Variants in PPME1 observed in about 807,000 individuals in gnomAD.
PPME1 encodes the protein protein phosphatase methylesterase 1, also known as testicular secretory protein Li 39.
A neutral mutation model predicts 56.9 loss-of-function variants in PPME1; 17 were observed. The ratio of observed to expected loss-of-function variants is 0.30; its 90% CI spans 0.20 to 0.45. PPME1 has a LOEUF of 0.45. PPME1 is among the 20% of genes least tolerant of loss of function. PPME1 has a pLI of 1.00. For missense variants in PPME1, 357 were observed against 483.2 expected, an observed-to-expected ratio of 0.74 and a Z score of 2.45; for synonymous variants, 122 against 156.2, an observed-to-expected ratio of 0.78 and a Z score of 1.63.
intron 1 of PPME1, among the ~76,000 whole-genome samples, chr11:74,200,553 T>A (rs1858134739): frequency 6.6e-6 from 1 of 152,118 alleles, no homozygotes; most frequent in South Asian, 2.1e-4. Context: ...TGGCTAATTT[T>A]TGTATTTTTA....
intron 3 of PPME1, 77 bp downstream of exon 3, chr11:74,204,522 T>C: frequency 8.0e-7 from 1 of 1,251,286 alleles, no homozygotes; most frequent in Non-Finnish European, 1.1e-6. Flanking sequence ...ATCTTGGAAG[T>C]TAACACATTC....
chr11:74,191,867 C>T (rs1257017300), intron 1 of PPME1, among the ~76,000 whole-genome samples: 1 of 152,238 alleles, frequency 6.6e-6, no homozygotes, highest in Non-Finnish European at 1.5e-5. Context: ...AGGTAGAAGC[C>T]TGCTGCAAGG....
chr11:74,235,134 A>G (rs1205286459), intron 7 of PPME1, among the ~76,000 whole-genome samples: 1 of 152,216 alleles, frequency 6.6e-6, no homozygotes, highest in Non-Finnish European at 1.5e-5. Context: ...GATTTTTTAA[A>G]CTAAGAAATG....
intron 1 of PPME1, among the ~76,000 whole-genome samples, chr11:74,180,194 T>A (rs149363435): frequency 1.3e-5 from 2 of 152,348 alleles, no homozygotes; most frequent in East Asian, 3.9e-4. Context: ...TTTGTTGGTT[T>A]TGGTCATTAT....
intron 3 of PPME1, 140 bp from the exon 4 acceptor site, chr11:74,222,172 T>C: frequency 1.5e-6 from 1 of 655,392 alleles, no homozygotes; most frequent in Non-Finnish European, 2.6e-6. Flanking sequence ...TTCTTTCATT[T>C]TGCTTAAAAC....
At chr11:74,237,081 C>T (rs1859209685) in intron 8 of PPME1, among the ~76,000 whole-genome samples, 1 of 150,142 alleles carries the variant, frequency 6.7e-6, no homozygotes, top group Admixed American at 6.6e-5. Flanking sequence ...ACCTTGTTTG[C>T]CCCATAGAAT....
chr11:74,224,812 T>G (rs978599535), intron 4 of PPME1, among the ~76,000 whole-genome samples: 7 of 150,382 alleles, frequency 4.7e-5, no homozygotes, highest in Non-Finnish European at 1.5e-5. Context: ...GAGACTTTGC[T>G]GAAGTTGCTT....
intron 1 of PPME1, chr11:74,198,842 T>TA (rs1858065184): frequency 6.6e-6 from 1 of 152,348 alleles, no homozygotes; most frequent in African/African-American, 2.4e-5. Context: ...TTCAGGGTGT[T>TA]ACGGCCATAG....
chr11:74,227,609 G>A (rs1475052823), intron 5 of PPME1, among the ~76,000 whole-genome samples: 1 of 152,076 alleles, frequency 6.6e-6, no homozygotes, highest in African/African-American at 2.4e-5. Context: ...ACACAGTAAT[G>A]CTTCTCAGAA....
chr11:74,223,807 A>C (rs1267094427), intron 4 of PPME1, among the ~76,000 whole-genome samples: 210 of 122,106 alleles, frequency 1.7e-3, no homozygotes, highest in African/African-American at 2.4e-3. Context: ...TTTTTCTTGT[A>C]AATTTGTTTG....
At position 74,253,703 on chromosome 11, in the gene PPME1, C is replaced by G; in HGVS notation, c.*193C>G. The G allele has an allele frequency of 1.5e-6, 1 of 650,842 alleles. No homozygotes were observed. The highest frequency in any genetic ancestry group is 2.7e-6 in the Non-Finnish European group (1 of 369,180). The allele number at this position is 650,842 out of a possible 1,614,324, so 40.3% of individuals were successfully genotyped here. A position where few individuals can be genotyped will look rare whatever the true frequency, so the allele number is the denominator to read the frequency against. On this transcript the variant is annotated 3_prime_UTR_variant, in exon 14 of 14. Coordinates refer to ENST00000328257, the MANE Select transcript of PPME1 (RefSeq NM_016147.3). ...AGCATTGTTTTCCAGGGCCCTTGAC[C>G]AACATCGGCTTCCCCAGTCCAGGGC...
At chr11:74,189,290 C>G (rs962254676) in intron 1 of PPME1, among the ~76,000 whole-genome samples, 2 of 151,902 alleles carry the variant, frequency 1.3e-5, no homozygotes, top group Non-Finnish European at 2.9e-5. Flanking sequence ...TATTGCTTTA[C>G]TTATTTATTT....
At chr11:74,241,916 T>C (rs1859370672) in intron 9 of PPME1, among the ~76,000 whole-genome samples, 1 of 152,244 alleles carries the variant, frequency 6.6e-6, no homozygotes, top group Non-Finnish European at 1.5e-5. Context: ...CTTTCTCCCA[T>C]TCCATGGGTT....
intron 3 of PPME1, among the ~76,000 whole-genome samples, chr11:74,215,882 A>C (rs1462592011): frequency 6.6e-6 from 1 of 152,228 alleles, no homozygotes. Context: ...ATAGATTTCA[A>C]GACAAAAACT....
At position 74,230,491 on chromosome 11, in the gene PPME1, C is replaced by A; in HGVS notation, c.553+92C>A. 2 of 1,409,804 alleles carry A rather than the reference C, an allele frequency of 1.4e-6. No individual in the cohort carries two copies. Among genetic ancestry groups the A allele is most frequent in the South Asian group, 2.5e-5 (2 of 81,104 alleles). 87.3% of individuals were successfully genotyped at this position (1,409,804 alleles called of 1,614,324 possible). ...CCTTGTCTTAGTTTATTGTTGATTT[C>A]ATTCATCTTGAAATATGTCCCTCTG... On this transcript the variant is annotated intron_variant, in intron 6 of 13. Coordinates refer to ENST00000328257, the MANE Select transcript of PPME1 (RefSeq NM_016147.3). The surrounding 1 kb of genome is among the most constrained non-coding windows in gnomAD (Gnocchi z 4.9).
chr11:74,225,329 C>T, intron 5 of PPME1, 73 bp downstream of exon 5: 1 of 1,107,978 alleles, frequency 9.0e-7, no homozygotes, highest in Non-Finnish European at 1.3e-6. Flanking sequence ...AACTTTATCA[C>T]TTTCCTGATG....
chr11:74,194,325 A>G (rs1442208287), intron 1 of PPME1, among the ~76,000 whole-genome samples: 7 of 152,084 alleles, frequency 4.6e-5, no homozygotes, highest in Non-Finnish European at 8.8e-5. Flanking sequence ...TGGGCTCCGC[A>G]GCAAGACTTC....
At chr11:74,177,174 G>A (rs1377677636) in intron 1 of PPME1, among the ~76,000 whole-genome samples, 1 of 152,000 alleles carries the variant, frequency 6.6e-6, no homozygotes, top group Non-Finnish European at 1.5e-5. Context: ...TAAAGAAATA[G>A]TCCTGGCCAG....
intron 7 of PPME1, among the ~76,000 whole-genome samples, chr11:74,234,582 A>C (rs375016442): frequency 5.9e-5 from 9 of 152,238 alleles, no homozygotes; most frequent in African/African-American, 2.2e-4. Context: ...AAGTAAGATG[A>C]GGACCAAGAA....
Sources: gnomAD v4.1 joint callset for allele counts (sites outside exome capture counted in the v4.1 genomes callset) on GRCh38, gnomAD v4.1.1 for gene constraint, Gnocchi (gnomAD v3.1) non-coding constraint, MANE v1.5 for transcripts, NCBI Gene and HGNC (gene_info 2026-07-23, HGNC 2026-07-21) for gene names.